LSAMP: variants seen among roughly 807,000 people sequenced by gnomAD.
LSAMP encodes the protein limbic system-associated membrane protein.
A neutral mutation model predicts 38.6 loss-of-function variants in LSAMP; 7 were observed. The observed-to-expected ratio is 0.18, with a 90% CI of 0.10 to 0.34. The LOEUF is 0.34. Ranked by LOEUF, LSAMP falls within the 10% of genes least tolerant of loss-of-function variation. The pLI is 1.00. For synonymous variants in LSAMP, 154 were observed against 166.8 expected (o/e 0.92, Z 0.59); for missense variants, 313 against 420.0 (o/e 0.75, Z 2.23).
chr3:115,811,295 G>T (rs181014522), intron 6 of LSAMP, among the ~76,000 whole-genome samples: 158 of 152,278 alleles, frequency 1.0e-3, no homozygotes, highest in Non-Finnish European at 2.0e-3. Flanking sequence ...GAAGGGGCTT[G>T]TGTGTTCATA....
At chr3:116,316,778 GAAAAAAA>G (rs35294836) in intron 1 of LSAMP, among the ~76,000 whole-genome samples, 2 of 119,010 alleles carry the variant, frequency 1.7e-5, no homozygotes, top group Non-Finnish European at 3.4e-5. Context: ...CTCAAAAAAA[GAAAAAAA>G]AAAAAAAAAA....
At chr3:116,332,471 C>T (rs1184534977) in intron 1 of LSAMP, among the ~76,000 whole-genome samples, 1 of 151,712 alleles carries the variant, frequency 6.6e-6, no homozygotes, top group Non-Finnish European at 1.5e-5. Flanking sequence ...ATGCTAACCA[C>T]AAAATATTCT....
At chr3:116,094,870 A>G (rs1708193120) in intron 1 of LSAMP, among the ~76,000 whole-genome samples, 1 of 152,220 alleles carries the variant, frequency 6.6e-6, no homozygotes. Context: ...ATACCTGTTC[A>G]ACCTCTTAGA....
intron 1 of LSAMP, among the ~76,000 whole-genome samples, chr3:116,130,058 A>G (rs903511427): frequency 2.0e-5 from 3 of 152,134 alleles, no homozygotes; most frequent in Admixed American, 2.0e-4. Flanking sequence ...ATCTAGGAAC[A>G]CTCTCAGTAG....
chr3:115,949,246 A>G (rs898146615), intron 3 of LSAMP, among the ~76,000 whole-genome samples: 2 of 152,112 alleles, frequency 1.3e-5, no homozygotes, highest in Non-Finnish European at 2.9e-5. Context: ...GTAACAGAAA[A>G]AGACCCTGTC....
chr3:116,122,236 A>G, intron 1 of LSAMP, among the ~76,000 whole-genome samples: 1 of 152,220 alleles, frequency 6.6e-6, no homozygotes, highest in South Asian at 2.1e-4. Context: ...TGCTACATGA[A>G]TAAAGCAAAT....
intron 1 of LSAMP, among the ~76,000 whole-genome samples, chr3:116,128,196 G>C (rs1044689897): frequency 6.6e-6 from 1 of 152,222 alleles, no homozygotes. Flanking sequence ...GCCCTAGCAA[G>C]AGCATTACAT....
At chr3:115,993,323 A>G (rs1939725151) in intron 3 of LSAMP, among the ~76,000 whole-genome samples, 1 of 152,094 alleles carries the variant, frequency 6.6e-6, no homozygotes, top group African/African-American at 2.4e-5. Flanking sequence ...AAAAAAATTC[A>G]TCTAGCATTT....
chr3:115,891,063 C>G (rs1218329392), intron 3 of LSAMP, among the ~76,000 whole-genome samples: 3 of 151,960 alleles, frequency 2.0e-5, no homozygotes, highest in Non-Finnish European at 2.9e-5. Flanking sequence ...CTTCTGTAAA[C>G]TTTGCTCACT....
chr3:115,871,801 T>C (rs1576170633), intron 3 of LSAMP, among the ~76,000 whole-genome samples: 1 of 152,122 alleles, frequency 6.6e-6, no homozygotes, highest in Admixed American at 6.6e-5. Context: ...AAAGCAGGAA[T>C]ACCATCTGAG....
At position 116,294,205 on chromosome 3, in the gene LSAMP, A is replaced by G. The variant is rs570022567; in HGVS notation, c.155+150672T>C. Among the ~76,000 whole-genome samples the G allele has an allele frequency of 3.9e-5, 6 of 152,158 alleles. No individual in the cohort carries two copies. In the East Asian group the frequency reaches 1.2e-3, roughly 29 times the overall value. ...CTACTTGACATTGAACACTGGCACC[A>G]ATCAGTCCACTCAGTGGATTATTCA... On this transcript the variant is annotated intron_variant, in intron 1 of 6. Coordinates refer to ENST00000490035, the MANE Select transcript of LSAMP (RefSeq NM_002338.5).
At chr3:116,198,773 A>AAAAAAAAAAAG (rs2045947577) in intron 1 of LSAMP, among the ~76,000 whole-genome samples, 1 of 20,964 alleles carries the variant, frequency 4.8e-5, no homozygotes, top group African/African-American at 9.8e-5. Flanking sequence ...TCCGTCTCAG[A>AAAAAAAAAAAG]AAAAAAAAGA....
At chr3:116,176,892 A>C (rs567318339) in intron 1 of LSAMP, among the ~76,000 whole-genome samples, 1 of 152,278 alleles carries the variant, frequency 6.6e-6, no homozygotes, top group South Asian at 2.1e-4. Context: ...AGCGTTCTTT[A>C]AGGTTAGTAT....
chr3:116,324,920 T>C (rs1037119839), intron 1 of LSAMP, among the ~76,000 whole-genome samples: 2 of 152,176 alleles, frequency 1.3e-5, no homozygotes, highest in East Asian at 1.9e-4. Context: ...CGGCCTCTCA[T>C]ATGACTTCTA....
chr3:116,278,966 T>A (rs1164410755), intron 1 of LSAMP, among the ~76,000 whole-genome samples: 1 of 152,206 alleles, frequency 6.6e-6, no homozygotes, highest in Admixed American at 6.5e-5. Context: ...GGAGAATACA[T>A]ATGTAGCTTC....
chr3:115,844,391 T>G (rs1935092071), intron 4 of LSAMP, among the ~76,000 whole-genome samples: 1 of 152,216 alleles, frequency 6.6e-6, no homozygotes, highest in African/African-American at 2.4e-5. Flanking sequence ...GGAAAACATC[T>G]GTACCAGTTT....
chr3:116,303,543 T>A (rs2047443057), intron 1 of LSAMP, among the ~76,000 whole-genome samples: 1 of 152,178 alleles, frequency 6.6e-6, no homozygotes, highest in South Asian at 2.1e-4. Context: ...AAAAATGCTA[T>A]TTTGACTCTC....
chr3:116,443,912 A>C (rs1001580115), intron 1 of LSAMP, among the ~76,000 whole-genome samples: 1 of 152,206 alleles, frequency 6.6e-6, no homozygotes, highest in African/African-American at 2.4e-5. Flanking sequence ...AGCACAAAAA[A>C]TAACCTTGGA....
chr3:115,871,677 C>T (rs1936043328), intron 3 of LSAMP, among the ~76,000 whole-genome samples: 1 of 151,690 alleles, frequency 6.6e-6, no homozygotes, highest in Admixed American at 6.6e-5. Flanking sequence ...GCTTCAACCT[C>T]CTACTCGTTG....
Sources: gnomAD v4.1 joint callset for allele counts (sites outside exome capture counted in the v4.1 genomes callset) on GRCh38, gnomAD v4.1.1 for gene constraint, MANE v1.5 for transcripts, NCBI Gene and HGNC (gene_info 2026-07-23, HGNC 2026-07-21) for gene names.